PARS2: variants seen among roughly 807,000 people sequenced by gnomAD.
PARS2 encodes the protein prolyl-tRNA synthetase 2, mitochondrial, also known as probable proline--tRNA ligase, mitochondrial.
Under a neutral mutation model 27.4 loss-of-function variants are expected in PARS2, and 20 were observed. The observed-to-expected ratio is 0.73, with a 90% confidence interval of 0.51 to 1.06. The LOEUF is 1.06. Ranked by LOEUF, PARS2 falls within the 50% of genes least tolerant of loss-of-function variation. The pLI is 0.00. For missense variants in PARS2, 585 were observed against 602.1 expected (o/e 0.97, Z 0.30); for synonymous variants, 240 against 247.1 (o/e 0.97, Z 0.27).
In PARS2 at chr1:54,758,044, C is replaced by G; in HGVS notation, c.1118G>C (p.Cys373Ser). The change falls in exon 2 of 2, where the codon TGC (cysteine) becomes TCC (serine). Residue 373 changes from cysteine (C) to serine (S), a missense_variant. Cys to Ser is a moderately radical substitution (Grantham distance 112). Coordinates refer to ENST00000371279, the MANE Select transcript of PARS2 (RefSeq NM_152268.4). The stretch of plus-strand genomic sequence containing the variant: ...ACTGCCCTTCTTAGGGGGGATGAGG[C>G]AGGCTTGGTAAGGGGCCAGTAGGCT... ...WPSLLAPYQA[C>S]LIPPKKGSKE... 1 of 1,613,952 alleles carries G rather than the reference C, an allele frequency of 6.2e-7. No individual in the cohort carries two copies. The highest frequency in any genetic ancestry group is 8.5e-7 in the Non-Finnish European group (1 of 1,179,944).
Position 54,757,747 on chromosome 1 carries a change from A to G in PARS2, c.1415T>C (p.Val472Ala), listed in dbSNP as rs1425856176. 1.2e-6 allele frequency: 2 copies of G among 1,609,070 alleles called. No homozygotes were observed. Among genetic ancestry groups the G allele is most frequent in the East Asian group, 4.5e-5 (2 of 44,854 alleles). Reference sequence around the variant, plus strand: ...GGCTGGGGGCATTTAGACAGTCTGCACTGGGGTCAGTAAATCCATGACTCC... The same window carrying G: ...GGCTGGGGGCATTTAGACAGTCTGCGCTGGGGTCAGTAAATCCATGACTCC... ...KDGVMDLLTP[V>A]QTV Residue 472 changes from valine (V) to alanine (A), a missense_variant, in exon 2 of 2, where the codon GTG (valine) becomes GCG (alanine). Physicochemically the swap from Val to Ala is moderately conservative, Grantham distance 64. Coordinates refer to ENST00000371279, the MANE Select transcript of PARS2 (RefSeq NM_152268.4).
In PARS2 at chr1:54,758,052, G is replaced by T. The variant is rs886813926; in HGVS notation, c.1110C>A (p.Tyr370Ter). 5.0e-6 allele frequency: 8 copies of T among 1,613,998 alleles called. No individual in the cohort carries two copies. Among genetic ancestry groups the T allele is most frequent in the Non-Finnish European group, 5.9e-6 (7 of 1,179,952 alleles). The change falls in exon 2 of 2, where the codon TAC becomes TAA. Residue 370 changes from tyrosine to a stop codon, truncating the protein, a stop_gained. Coordinates refer to ENST00000371279, the MANE Select transcript of PARS2 (RefSeq NM_152268.4). LOFTEE classifies it high-confidence loss of function. Reference sequence around the variant, plus strand: ...TCTTAGGGGGGATGAGGCAGGCTTGGTAAGGGGCCAGTAGGCTGGGCCAGC... The same window carrying T: ...TCTTAGGGGGGATGAGGCAGGCTTGTTAAGGGGCCAGTAGGCTGGGCCAGC... ...CVRWPSLLAP[Y>*]QACLIPPKKG...
intron 1 of PARS2, among the ~76,000 whole-genome samples, chr1:54,759,942 T>A (rs990075810): frequency 6.6e-6 from 1 of 151,958 alleles, no homozygotes; most frequent in Non-Finnish European, 1.5e-5. Context: ...AGGTGGAGGT[T>A]GCAGTGAGCT....
rs1448025237 is a variant in PARS2, at chr1:54,764,494, C to G, written c.-63G>C. 6.6e-6 allele frequency: 1 copy of G among 152,314 alleles called. No individual in the cohort carries two copies. The highest frequency in any genetic ancestry group is 1.5e-5 in the Non-Finnish European group (1 of 68,084). 9.4% of individuals were successfully genotyped at this position (152,314 alleles called of 1,614,324 possible). On this transcript the variant is annotated 5_prime_UTR_variant, in exon 1 of 2. Coordinates refer to ENST00000371279, the MANE Select transcript of PARS2 (RefSeq NM_152268.4). ...CAGCCCACGCCTCCCGCAAGACCACCGCCGTGCCGGGCCAGCGCGCTTGCG... is the reference window on the plus strand; with the variant it reads ...CAGCCCACGCCTCCCGCAAGACCACGGCCGTGCCGGGCCAGCGCGCTTGCG...
At position 54,758,587 on chromosome 1, in the gene PARS2, G is replaced by A. The variant is rs768006151; in HGVS notation, c.575C>T (p.Pro192Leu). ...YQVTRKFRDE[P>L]RPRFGLLRGR... ...ACGGAGAAGACCAAAGCGGGGCCTG[G>A]GCTCATCCCGAAACTTCCTTGTCAC... The change falls in exon 2 of 2, where the codon CCC becomes CTC. Residue 192 changes from proline to leucine, a missense_variant. Physicochemically the swap from Pro to Leu is moderately conservative, Grantham distance 98. Transcript: ENST00000371279. 3.7e-6 allele frequency: 6 copies of A among 1,614,196 alleles called. No homozygotes were observed. Among genetic ancestry groups the A allele is most frequent in the Non-Finnish European group, 5.1e-6 (6 of 1,180,042 alleles).
Position 54,759,064 on chromosome 1 carries a change from G to A in PARS2, c.98C>T (p.Ala33Val). 7 of 1,614,106 alleles carry A rather than the reference G, an allele frequency of 4.3e-6. No individual in the cohort carries two copies. In the South Asian group the frequency reaches 5.5e-5, roughly 13 times the overall value. Residue 33 changes from alanine (A) to valine (V), a missense_variant, in exon 2 of 2, where the codon GCC becomes GTC. Ala to Val is a moderately conservative substitution (Grantham distance 64). Transcript: ENST00000371279. ...GYVPCRFHHC[A>V]PRRGRRLLLS... is the part of the protein sequence containing the mutation. ...CAGCAGGCGCCGCCCTCTTCTTGGG[G>A]CACAGTGGTGAAACCTGCAAGGAAC...
Position 54,758,895 on chromosome 1 carries a change from G to A in PARS2, c.267C>T (p.His89=), listed in dbSNP as rs1410438187. The change falls in exon 2 of 2, where the codon CAC becomes CAT. Residue 89 remains histidine, a synonymous_variant. Coordinates refer to ENST00000371279, the MANE Select transcript of PARS2 (RefSeq NM_152268.4). The part of the protein sequence containing the change: ...LIYPASPGCY[H]LLPYTVRAME... ...TGGCACGGACGGTATATGGCAGGAGGTGGTAACAGCCGGGGCTTGCTGGGT... is the reference window on the plus strand; with the variant it reads ...TGGCACGGACGGTATATGGCAGGAGATGGTAACAGCCGGGGCTTGCTGGGT... 2.5e-6 allele frequency: 4 copies of A among 1,614,110 alleles called. No individual in the cohort carries two copies. Among genetic ancestry groups the A allele is most frequent in the African/African-American group, 1.3e-5 (1 of 74,936 alleles).
chr1:54,758,067 G>A lies in PARS2; in HGVS notation c.1095C>T (p.Ser365=). The change falls in exon 2 of 2, where the codon AGC becomes AGT. Residue 365 remains serine (S), a synonymous_variant. Transcript: ENST00000371279. ...LSTEDCVRWP[S]LLAPYQACLI... ...GGCAGGCTTGGTAAGGGGCCAGTAG[G>A]CTGGGCCAGCGGACACAGTCTTCTG... The A allele has an allele frequency of 1.2e-6, 2 of 1,613,880 alleles. No homozygotes were observed. The highest frequency in any genetic ancestry group is 1.7e-6 in the Non-Finnish European group (2 of 1,179,860).
chr1:54,758,477 C>A lies in PARS2; in HGVS notation c.685G>T (p.Ala229Ser). The change falls in exon 2 of 2, where the codon GCC (alanine) becomes TCC (serine). Residue 229 changes from alanine (A) to serine (S), a missense_variant. By Grantham distance (99) the Ala-to-Ser change is moderately conservative. Transcript: ENST00000371279. ...AQQTYSLVCD[A>S]YCSLFNKLGL... ...AGCTTGTTGAACAGGCTGCAGTAGGCATCACACACCAGGCTGTAGGTCTGC... is the reference window on the plus strand; with the variant it reads ...AGCTTGTTGAACAGGCTGCAGTAGGAATCACACACCAGGCTGTAGGTCTGC... 4.3e-6 allele frequency: 7 copies of A among 1,614,136 alleles called. No homozygotes were observed. The highest frequency in any genetic ancestry group is 5.9e-6 in the Non-Finnish European group (7 of 1,180,014).
chr1:54,759,436 T>A (rs905756466), intron 1 of PARS2, among the ~76,000 whole-genome samples: 1 of 152,234 alleles, frequency 6.6e-6, no homozygotes, highest in African/African-American at 2.4e-5. Context: ...GACAGCGTCA[T>A]GTAGTGAGTG....
chr1:54,758,999 G>C lies in PARS2; in HGVS notation c.163C>G (p.Arg55Gly), dbSNP rs74617964. 6.2e-7 allele frequency: 1 copy of C among 1,614,128 alleles called. No homozygotes were observed. Among genetic ancestry groups the C allele is most frequent in the South Asian group, 1.1e-5 (1 of 91,080 alleles). Residue 55 changes from arginine (R) to glycine (G), a missense_variant, in exon 2 of 2, where the codon CGG (arginine) becomes GGG (glycine). By Grantham distance (125) the Arg-to-Gly change is moderately radical. Transcript: ENST00000371279. The part of the protein sequence containing the change: ...VFQPQNLRED[R>G]VLSLQDKSDD... ...GATTTGTCCTGCAGGGAGAGCACCCGGTCTTCCCGAAGGTTCTGTGGCTGG... is the reference window on the plus strand; with the variant it reads ...GATTTGTCCTGCAGGGAGAGCACCCCGTCTTCCCGAAGGTTCTGTGGCTGG...
chr1:54,761,441 G>C (rs533244515), intron 1 of PARS2, among the ~76,000 whole-genome samples: 2 of 152,288 alleles, frequency 1.3e-5, no homozygotes, highest in East Asian at 3.9e-4. Flanking sequence ...ATGGCAGTAC[G>C]ACATTCCACT....
intron 1 of PARS2, 114 bp from the exon 2 acceptor site, chr1:54,759,304 A>G: frequency 1.6e-6 from 1 of 611,748 alleles, no homozygotes; most frequent in Non-Finnish European, 2.8e-6. Flanking sequence ...TTTTGCAGAT[A>G]CAAATCCTTC....
At chr1:54,763,565 A>C (rs1280694880) in intron 1 of PARS2, among the ~76,000 whole-genome samples, 15 of 152,238 alleles carry the variant, frequency 9.9e-5, no homozygotes, top group African/African-American at 3.6e-4. Context: ...CGAGAGCTTT[A>C]AACTCTTCTC....
Position 54,757,689 on chromosome 1 carries a change from C to G in PARS2, c.*45G>C, listed in dbSNP as rs765707805. The G allele has an allele frequency of 7.3e-6, 10 of 1,361,800 alleles. No individual in the cohort carries two copies. The highest frequency in any genetic ancestry group is 1.4e-5 in the African/African-American group (1 of 69,676). The allele number at this position is 1,361,800 out of a possible 1,614,324, so 84.4% of individuals were successfully genotyped here. A position where few individuals can be genotyped will look rare whatever the true frequency, so the allele number is the denominator to read the frequency against. On this transcript the variant is annotated 3_prime_UTR_variant, in exon 2 of 2. Transcript: ENST00000371279. ...GGTGTAGGAAAATGCAGTGTTAGAA[C>G]GAACACCAAGGCTGCAAATGGGGGC...
chr1:54,757,676 T>C lies in PARS2; in HGVS notation c.*58A>G. The C allele has an allele frequency of 1.7e-6, 2 of 1,146,204 alleles. No homozygotes were observed. Among genetic ancestry groups the C allele is most frequent in the Non-Finnish European group, 2.5e-6 (2 of 789,876 alleles). 71.0% of individuals were successfully genotyped at this position (1,146,204 alleles called of 1,614,324 possible). ...AGTCCAGGAAAGGGGTGTAGGAAAA[T>C]GCAGTGTTAGAACGAACACCAAGGC... On this transcript the variant is annotated 3_prime_UTR_variant, in exon 2 of 2. Transcript: ENST00000371279.
Position 54,758,682 on chromosome 1 carries a change from T to C in PARS2, c.480A>G (p.Glu160=). 1.2e-6 allele frequency: 2 copies of C among 1,614,232 alleles called. No individual in the cohort carries two copies. The highest frequency in any genetic ancestry group is 1.7e-6 in the Non-Finnish European group (2 of 1,180,034). Residue 160 remains glutamate, a synonymous_variant, in exon 2 of 2, where the codon GAA becomes GAG. Coordinates refer to ENST00000371279, the MANE Select transcript of PARS2 (RefSeq NM_152268.4). ...GGGAGGCAATTAAGGCCGTAATGGC[T>C]TCCTCGTGAGTTGGTCCTAAGCAGT... ...KEYCLGPTHE[E]AITALIASQK...
chr1:54,757,763 C>T lies in PARS2; in HGVS notation c.1399G>A (p.Asp467Asn). ...VAFLTKDGVM[D>N]LLTPVQTV is the part of the protein sequence containing the mutation. ...ACAGTCTGCACTGGGGTCAGTAAAT[C>T]CATGACTCCATCTTTGGTGAGGAAG... Residue 467 changes from aspartate (D) to asparagine (N), a missense_variant, in exon 2 of 2, where the codon GAT becomes AAT. Physicochemically the swap from Asp to Asn is conservative, Grantham distance 23. Transcript: ENST00000371279. The T allele has an allele frequency of 1.2e-6, 2 of 1,612,612 alleles. No individual in the cohort carries two copies. The highest frequency in any genetic ancestry group is 2.2e-5 in the South Asian group (2 of 90,812).
Position 54,757,324 on chromosome 1 carries a change from A to G in PARS2, c.*410T>C, listed in dbSNP as rs1646125894. On this transcript the variant is annotated 3_prime_UTR_variant, in exon 2 of 2. Transcript: ENST00000371279. ...AGAATGTAGCAAAAGGCCCGTGGTCAAACTGATACGGGGTGGGGAAGGTTG... is the reference window on the plus strand; with the variant it reads ...AGAATGTAGCAAAAGGCCCGTGGTCGAACTGATACGGGGTGGGGAAGGTTG... 6.3e-6 allele frequency: 1 copy of G among 159,038 alleles called. No individual in the cohort carries two copies. Among genetic ancestry groups the G allele is most frequent in the African/African-American group, 2.4e-5 (1 of 41,648 alleles). 9.9% of individuals were successfully genotyped at this position (159,038 alleles called of 1,614,324 possible).
Sources: gnomAD v4.1 joint callset for allele counts (sites outside exome capture counted in the v4.1 genomes callset) on GRCh38, gnomAD v4.1.1 for gene constraint, MANE v1.5 for transcripts, NCBI Gene and HGNC (gene_info 2026-07-23, HGNC 2026-07-21) for gene names.